Variants in KIAA1958 observed in about 807,000 individuals in gnomAD.
KIAA1958 encodes the protein uncharacterized protein KIAA1958.
Under a neutral mutation model 47.2 loss-of-function variants are expected in KIAA1958, and 14 were observed. The ratio of observed to expected loss-of-function variants is 0.30; its 90% CI spans 0.20 to 0.46. The LOEUF (loss-of-function observed/expected upper bound fraction) is 0.46, where lower values mean the gene tolerates loss of function less well. Among genes scored for constraint, KIAA1958 ranks in the 20% least tolerant of loss-of-function variants. The pLI, the probability that KIAA1958 is intolerant of heterozygous loss-of-function variation, is 1.00. For missense variants in KIAA1958, 803 were observed against 909.2 expected, an observed-to-expected ratio of 0.88 and a Z score of 1.50; for synonymous variants, 354 against 353.3, an observed-to-expected ratio of 1.00 and a Z score of -0.02.
rs1837368385 is a variant in KIAA1958 at position 112,667,671 on chromosome 9, A to ATT, written c.*7602_*7603insTT. ...TCTATAGCACCAAATGCCAGGAAAC[A>ATT]ATAGAGAATTGTGAGGGGGAAAAGT... On this transcript the variant is annotated 3_prime_UTR_variant, in exon 4 of 4. Transcript: ENST00000337530. 1.3e-5 allele frequency: 2 copies of ATT among 152,204 alleles called. No homozygotes were observed. The highest frequency in any genetic ancestry group is 4.8e-5 in the African/African-American group (2 of 41,450). The allele number at this position is 152,204 out of a possible 1,614,324, so 9.4% of individuals were successfully genotyped here.
At chr9:112,542,678 A>G (rs563975217) in intron 1 of KIAA1958, among the ~76,000 whole-genome samples, 9 of 152,316 alleles carry the variant, frequency 5.9e-5, no homozygotes, top group Admixed American at 3.3e-4. Flanking sequence ...TTGGCAAATT[A>G]ATTTAGAGCC....
At chr9:112,493,011 C>CA (rs1417175758) in intron 1 of KIAA1958, among the ~76,000 whole-genome samples, 1 of 151,624 alleles carries the variant, frequency 6.6e-6, no homozygotes, top group African/African-American at 2.4e-5. Context: ...CTGGGCCTCC[C>CA]AAAGTGCTGG....
rs1835588494 is a variant in KIAA1958 at position 112,574,153 on chromosome 9, A to G, written c.73A>G (p.Ile25Val). The change falls in exon 2 of 4, where the codon ATT becomes GTT. Residue 25 changes from isoleucine (I) to valine (V), a missense_variant. This residue lies in a region of KIAA1958 where 42 missense variants were observed against 79.9 expected (regional missense o/e 0.53). Coordinates refer to ENST00000337530, the MANE Select transcript of KIAA1958 (RefSeq NM_133465.4). ...LVSWAHSHGT[I>V]CSLIPNLKHL... ...CAGCTGGGCCCATAGCCATGGGACT[A>G]TTTGCAGCCTCATTCCAAACCTGAA... is the stretch of plus-strand genomic sequence containing the variant. The G allele has an allele frequency of 6.2e-7, 1 of 1,613,870 alleles. No individual in the cohort carries two copies.
intron 1 of KIAA1958, among the ~76,000 whole-genome samples, chr9:112,547,849 T>G (rs1387615878): frequency 6.6e-6 from 1 of 152,160 alleles, no homozygotes. Flanking sequence ...CTATTCTCTC[T>G]GAAGCCTGCT....
intron 1 of KIAA1958, among the ~76,000 whole-genome samples, chr9:112,488,921 C>T (rs1833915743): frequency 6.6e-6 from 1 of 152,224 alleles, no homozygotes; most frequent in East Asian, 1.9e-4. Flanking sequence ...ATGCCTGGAG[C>T]GTAGATTTGT....
chr9:112,545,296 T>G (rs1835008528), intron 1 of KIAA1958, among the ~76,000 whole-genome samples: 1 of 152,214 alleles, frequency 6.6e-6, no homozygotes, highest in Non-Finnish European at 1.5e-5. Flanking sequence ...TGATGTCTTT[T>G]ACTGTTAAGT....
At position 112,604,363 on chromosome 9, in the gene KIAA1958, A is replaced by G. The variant is rs567314398; in HGVS notation, c.1171+29112A>G. 2.6e-5 allele frequency among the ~76,000 whole-genome samples: 4 copies of G among 152,300 alleles called. No individual in the cohort carries two copies. In the East Asian group the frequency reaches 7.7e-4, roughly 29 times the overall value. On this transcript the variant is annotated intron_variant, in intron 2 of 3. Transcript: ENST00000337530. ...CAAATCTCTTAGAAGTCATTAACCT[A>G]AAACTTTTCGATCTGTCGGCTACAT... is the stretch of plus-strand genomic sequence containing the variant.
At chr9:112,510,631 G>A (rs957607591) in intron 1 of KIAA1958, among the ~76,000 whole-genome samples, 1 of 152,068 alleles carries the variant, frequency 6.6e-6, no homozygotes, top group African/African-American at 2.4e-5. Flanking sequence ...TAATTCCAAA[G>A]AATTCTGCTG....
chr9:112,595,520 G>A (rs1223284729), intron 2 of KIAA1958, among the ~76,000 whole-genome samples: 2 of 151,890 alleles, frequency 1.3e-5, no homozygotes, highest in Non-Finnish European at 2.9e-5. Flanking sequence ...AATTAGCCGA[G>A]TGTGGTGGTG....
At chr9:112,626,442 TAGAC>T (rs1387403542) in intron 2 of KIAA1958, among the ~76,000 whole-genome samples, 20 of 152,286 alleles carry the variant, frequency 1.3e-4, no homozygotes, top group South Asian at 4.1e-4. Flanking sequence ...ACACTGGAAT[TAGAC>T]AGCATTTTTA....
chr9:112,639,476 A>C lies in KIAA1958; in HGVS notation c.1172-6174A>C, dbSNP rs1836859877. Among the ~76,000 whole-genome samples the C allele has an allele frequency of 2.0e-5, 3 of 152,108 alleles. No individual in the cohort carries two copies. The South Asian group carries it at 6.2e-4, about 32-fold the overall frequency. On this transcript the variant is annotated intron_variant, in intron 2 of 3. Coordinates refer to ENST00000337530, the MANE Select transcript of KIAA1958 (RefSeq NM_133465.4). ...TTCTTCATGCTGCTTAGGCTATGAC[A>C]CCTTATGCCAGGTCACCCCCATGCA...
chr9:112,543,725 C>T (rs188536891), intron 1 of KIAA1958, among the ~76,000 whole-genome samples: 1 of 152,086 alleles, frequency 6.6e-6, no homozygotes, highest in East Asian at 1.9e-4. Flanking sequence ...AGGCATGCGC[C>T]ACCATGCCTG....
Position 112,618,603 on chromosome 9 carries a change from A to T in KIAA1958, c.1172-27047A>T. On this transcript the variant is annotated intron_variant, in intron 2 of 3. Transcript: ENST00000337530. The surrounding 1 kb of genome is among the most constrained non-coding windows in gnomAD (Gnocchi z 7.1). ...CGGCCTCCCGCCATGCGCTACGAGG[A>T]TGCCCCTTTCTACTTATCCATCAAG... is the stretch of plus-strand genomic sequence containing the variant. The T allele has an allele frequency of 1.9e-6, 3 of 1,550,686 alleles. No individual in the cohort carries two copies. Among genetic ancestry groups the T allele is most frequent in the Non-Finnish European group, 2.6e-6 (3 of 1,147,012 alleles).
At position 112,532,978 on chromosome 9, in the gene KIAA1958, A is replaced by T. The variant is rs183444819; in HGVS notation, c.-24-41079A>T. Among the ~76,000 whole-genome samples the T allele has an allele frequency of 8.9e-3, 1,347 of 151,302 alleles. 14 individuals are homozygous for T. Among genetic ancestry groups the T allele is most frequent in the African/African-American group, 0.031 (1,279 of 41,144 alleles). ...ATTTTAATATGAATTTTAAATGTATATTTTTTTTTCAGATACCTGATTATA... is the reference window on the plus strand; with the variant it reads ...ATTTTAATATGAATTTTAAATGTATTTTTTTTTTTCAGATACCTGATTATA... On this transcript the variant is annotated intron_variant, in intron 1 of 3. Coordinates refer to ENST00000337530, the MANE Select transcript of KIAA1958 (RefSeq NM_133465.4).
rs1012963733 is a variant in KIAA1958 at position 112,516,638 on chromosome 9, G to C, written c.-25+29520G>C. Among the ~76,000 whole-genome samples, 3 of 152,146 alleles carry C rather than the reference G, an allele frequency of 2.0e-5. No individual in the cohort carries two copies. In the East Asian group the frequency reaches 5.8e-4, roughly 29 times the overall value. On this transcript the variant is annotated intron_variant, in intron 1 of 3. Transcript: ENST00000337530. The stretch of plus-strand genomic sequence containing the variant: ...CTCTTATAGAAATGCTAAGGACTTA[G>C]AGCAAAACACATTTAAAAGAGAATA...
chr9:112,521,271 C>T (rs1253934209), intron 1 of KIAA1958, among the ~76,000 whole-genome samples: 1 of 152,014 alleles, frequency 6.6e-6, no homozygotes, highest in East Asian at 1.9e-4. Flanking sequence ...TGCAGTGGTG[C>T]AATCATAGCT....
At chr9:112,626,801 T>C (rs1034256900) in intron 2 of KIAA1958, among the ~76,000 whole-genome samples, 1 of 150,258 alleles carries the variant, frequency 6.7e-6, no homozygotes, top group East Asian at 1.9e-4. Flanking sequence ...GAAATAACTT[T>C]TGTTTTATAA....
chr9:112,572,617 T>C (rs940737248), intron 1 of KIAA1958, among the ~76,000 whole-genome samples: 2 of 152,068 alleles, frequency 1.3e-5, no homozygotes, highest in Non-Finnish European at 2.9e-5. Context: ...AAGATGCCAA[T>C]AGGAAGTAGC....
At chr9:112,598,996 C>A (rs926365506) in intron 2 of KIAA1958, among the ~76,000 whole-genome samples, 1 of 152,074 alleles carries the variant, frequency 6.6e-6, no homozygotes, top group South Asian at 2.1e-4. Flanking sequence ...ACAGGAGGAT[C>A]GCTTGAGCCC....
Sources: gnomAD v4.1 joint callset for allele counts (sites outside exome capture counted in the v4.1 genomes callset) on GRCh38, gnomAD v4.1.1 for gene constraint, gnomAD v4.1.1 regional missense constraint, Gnocchi (gnomAD v3.1) non-coding constraint, MANE v1.5 for transcripts, NCBI Gene and HGNC (gene_info 2026-07-23, HGNC 2026-07-21) for gene names.